BMPR1B: variants seen among roughly 807,000 people sequenced by gnomAD.
BMPR1B encodes bone morphogenetic protein receptor type 1B.
A neutral mutation model predicts 59.1 loss-of-function variants in BMPR1B; 12 were observed. The ratio of observed to expected loss-of-function variants is 0.20; its 90% CI spans 0.13 to 0.33. The LOEUF (loss-of-function observed/expected upper bound fraction) is 0.33. Among genes scored for constraint, BMPR1B ranks in the 10% least tolerant of loss-of-function variants. The pLI, the probability that BMPR1B is intolerant of heterozygous loss-of-function variation, is 1.00. For synonymous variants in BMPR1B, 237 were observed against 207.3 expected (o/e 1.14, Z -1.23); for missense variants, 550 against 610.9 (o/e 0.90, Z 1.05).
chr4:95,018,945 A>G (rs986834758), intron 3 of BMPR1B, among the ~76,000 whole-genome samples: 13 of 152,164 alleles, frequency 8.5e-5, no homozygotes, highest in African/African-American at 3.1e-4. Flanking sequence ...ATCTATTTTG[A>G]TAATCCTTGT....
At chr4:95,087,614 C>T (rs1181574834) in intron 3 of BMPR1B, among the ~76,000 whole-genome samples, 1 of 152,002 alleles carries the variant, frequency 6.6e-6, no homozygotes, top group Non-Finnish European at 1.5e-5. Context: ...GCCTGTGGTC[C>T]CAGCTGCTAA....
chr4:95,108,689 A>G (rs1014055920), intron 4 of BMPR1B, among the ~76,000 whole-genome samples: 2 of 152,062 alleles, frequency 1.3e-5, no homozygotes, highest in Non-Finnish European at 2.9e-5. Context: ...TGATATTCAC[A>G]TTAAAGGATG....
chr4:95,125,335 T>C (rs777037352), intron 8 of BMPR1B, among the ~76,000 whole-genome samples: 2 of 152,138 alleles, frequency 1.3e-5, no homozygotes, highest in African/African-American at 4.8e-5. Context: ...ATGGTTACAA[T>C]CCAGACCCTC....
intron 11 of BMPR1B, among the ~76,000 whole-genome samples, chr4:95,149,218 C>T (rs941701026): frequency 2.4e-4 from 36 of 152,098 alleles, no homozygotes; most frequent in African/African-American, 8.0e-4. Flanking sequence ...GTTCTTCCTC[C>T]AGCAGTTGCT....
intron 3 of BMPR1B, among the ~76,000 whole-genome samples, chr4:95,002,431 T>C (rs556912207): frequency 8.5e-5 from 13 of 152,346 alleles, no homozygotes; most frequent in African/African-American, 3.1e-4. Flanking sequence ...AATAGTGCTG[T>C]GATGAACATA....
chr4:94,869,672 A>G (rs1726401488), intron 1 of BMPR1B, among the ~76,000 whole-genome samples: 1 of 152,246 alleles, frequency 6.6e-6, no homozygotes, highest in Admixed American at 6.5e-5. Context: ...TCATTATAAA[A>G]TAAAATGTGA....
At chr4:94,934,674 A>G (rs1009698409) in intron 2 of BMPR1B, among the ~76,000 whole-genome samples, 1 of 152,042 alleles carries the variant, frequency 6.6e-6, no homozygotes, top group African/African-American at 2.4e-5. Flanking sequence ...CTGAGATCCA[A>G]AGTAGAGAAA....
At chr4:95,082,230 G>A (rs1194905544) in intron 3 of BMPR1B, among the ~76,000 whole-genome samples, 1 of 143,598 alleles carries the variant, frequency 7.0e-6, no homozygotes, top group Non-Finnish European at 1.5e-5. Flanking sequence ...TTTTAACATA[G>A]TAAATATCGA....
intron 1 of BMPR1B, among the ~76,000 whole-genome samples, chr4:94,763,385 A>G (rs1346366550): frequency 6.6e-6 from 1 of 151,984 alleles, no homozygotes; most frequent in African/African-American, 2.4e-5. Flanking sequence ...GGCATTCAGT[A>G]AATAGTTGTG....
chr4:94,866,337 C>T (rs1350974383), intron 1 of BMPR1B, among the ~76,000 whole-genome samples: 1 of 152,152 alleles, frequency 6.6e-6, no homozygotes, highest in African/African-American at 2.4e-5. Flanking sequence ...TATATTGATA[C>T]TGCCTTTCTT....
At position 94,809,689 on chromosome 4, in the gene BMPR1B, C is replaced by T. The variant is rs147945317; in HGVS notation, c.-183+51621C>T. On this transcript the variant is annotated intron_variant, in intron 1 of 12. Transcript: ENST00000515059. ...GTAGAAAAGAGAAACAATCCTTTTT[C>T]TAAAACACATTTGTTTCACTCTTCA... Among the ~76,000 whole-genome samples the T allele has an allele frequency of 5.7e-3, 869 of 152,316 alleles. 3 individuals are homozygous for T. Among genetic ancestry groups the T allele is most frequent in the African/African-American group, 0.02 (832 of 41,570 alleles).
chr4:95,018,286 G>T (rs996416585), intron 3 of BMPR1B, among the ~76,000 whole-genome samples: 1 of 152,078 alleles, frequency 6.6e-6, no homozygotes, highest in African/African-American at 2.4e-5. Flanking sequence ...GAGAAGTTTT[G>T]GATTGAGTTG....
intron 1 of BMPR1B, among the ~76,000 whole-genome samples, chr4:94,831,020 G>A (rs1348073416): frequency 6.6e-6 from 1 of 152,132 alleles, no homozygotes; most frequent in Non-Finnish European, 1.5e-5. Flanking sequence ...AAGGTTAACT[G>A]TAAAAAAGCC....
chr4:94,865,581 T>TG (rs1726190786), intron 1 of BMPR1B, among the ~76,000 whole-genome samples: 1 of 151,906 alleles, frequency 6.6e-6, no homozygotes, highest in African/African-American at 2.4e-5. Context: ...TTAGTAGAGA[T>TG]GGGGTTTCAC....
At chr4:95,100,904 A>G (rs1730773834) in intron 3 of BMPR1B, among the ~76,000 whole-genome samples, 1 of 152,138 alleles carries the variant, frequency 6.6e-6, no homozygotes, top group Non-Finnish European at 1.5e-5. Flanking sequence ...AATTTTTTAA[A>G]GTCTTTACTT....
chr4:94,970,632 GT>G (rs535276650), intron 2 of BMPR1B, among the ~76,000 whole-genome samples: 1 of 151,818 alleles, frequency 6.6e-6, no homozygotes. Flanking sequence ...CTGTTTTAAA[GT>G]TTTTTTTATT....
chr4:95,036,802 T>C (rs1352049474), intron 3 of BMPR1B, among the ~76,000 whole-genome samples: 1 of 152,020 alleles, frequency 6.6e-6, no homozygotes, highest in Admixed American at 6.6e-5. Flanking sequence ...TGAACTGTTT[T>C]CTGTAGTGGT....
chr4:94,945,807 A>C (rs1054317316), intron 2 of BMPR1B, among the ~76,000 whole-genome samples: 2 of 152,204 alleles, frequency 1.3e-5, no homozygotes, highest in Admixed American at 1.3e-4. Flanking sequence ...TAGCAGAGAA[A>C]TTGATGTAAC....
intron 2 of BMPR1B, among the ~76,000 whole-genome samples, chr4:94,913,026 C>T (rs1002979142): frequency 2.6e-5 from 4 of 151,880 alleles, no homozygotes; most frequent in African/African-American, 9.7e-5. Flanking sequence ...ATTCTTAAAA[C>T]TCCCAGGAAA....
Sources: allele counts gnomAD v4.1 joint callset (sites outside exome capture counted in the v4.1 genomes callset), GRCh38; gene constraint gnomAD v4.1.1; transcripts MANE v1.5; gene names NCBI Gene and HGNC (gene_info 2026-07-23, HGNC 2026-07-21).